Variants in NKAIN3 observed in about 807,000 individuals in gnomAD.
NKAIN3 encodes the protein sodium/potassium transporting ATPase interacting 3.
In NKAIN3, 25 loss-of-function variants were observed where a neutral mutation model predicts 30.2. The observed-to-expected ratio is 0.83, with a 90% CI of 0.60 to 1.16. NKAIN3 has a LOEUF of 1.16. NKAIN3 is among the 50% of genes most tolerant of loss of function. The probability of loss-of-function intolerance (pLI) is 0.00; values close to 1 mark genes in which losing one functional copy is unlikely to be tolerated. For synonymous variants in NKAIN3, 91 were observed against 89.6 expected (o/e 1.02, Z -0.09); for missense variants, 225 against 254.1 (o/e 0.89, Z 0.78).
chr8:62,366,670 T>C (rs372216219), intron 1 of NKAIN3, among the ~76,000 whole-genome samples: 39 of 152,338 alleles, frequency 2.6e-4, no homozygotes, highest in Middle Eastern at 6.8e-3. Context: ...ATTGATCTTT[T>C]CTATTGTTTC....
At chr8:62,899,324 G>T (rs1422260939) in intron 4 of NKAIN3, among the ~76,000 whole-genome samples, 4 of 152,118 alleles carry the variant, frequency 2.6e-5, no homozygotes, top group Admixed American at 2.6e-4. Context: ...AAATTTGGAA[G>T]CAACATAAAT....
chr8:62,686,834 G>A (rs1813813697), intron 3 of NKAIN3, among the ~76,000 whole-genome samples: 2 of 152,160 alleles, frequency 1.3e-5, no homozygotes, highest in South Asian at 4.1e-4. Flanking sequence ...AATATATTAA[G>A]TAAACAACCA....
intron 4 of NKAIN3, among the ~76,000 whole-genome samples, chr8:62,861,937 A>G (rs1820252344): frequency 6.6e-6 from 1 of 152,246 alleles, no homozygotes. Context: ...AGGATTCCTG[A>G]AAACACATAA....
intron 3 of NKAIN3, among the ~76,000 whole-genome samples, chr8:62,688,270 A>C (rs1813856767): frequency 6.6e-6 from 1 of 152,226 alleles, no homozygotes; most frequent in African/African-American, 2.4e-5. Flanking sequence ...CTTGGATCTA[A>C]ACAGCCAGAG....
chr8:62,765,344 G>A (rs1816801795), intron 4 of NKAIN3, among the ~76,000 whole-genome samples: 1 of 151,730 alleles, frequency 6.6e-6, no homozygotes, highest in African/African-American at 2.4e-5. Context: ...CAGAGCATGA[G>A]TGTGCAAATC....
intron 1 of NKAIN3, among the ~76,000 whole-genome samples, chr8:62,341,069 A>G (rs1815729200): frequency 6.6e-6 from 1 of 152,086 alleles, no homozygotes; most frequent in South Asian, 2.1e-4. Flanking sequence ...GGAAACACTC[A>G]GCTACAGCAA....
chr8:62,500,445 G>GA (rs1415370289), intron 1 of NKAIN3, among the ~76,000 whole-genome samples: 1 of 110,374 alleles, frequency 9.1e-6, no homozygotes, highest in Non-Finnish European at 1.8e-5. Context: ...AAGAAAGAAA[G>GA]AAAGAAAGAA....
intron 3 of NKAIN3, among the ~76,000 whole-genome samples, chr8:62,599,606 G>A (rs993717369): frequency 6.6e-6 from 1 of 151,942 alleles, no homozygotes; most frequent in Admixed American, 6.6e-5. Context: ...AAACCTTTGG[G>A]ATGTATTTAT....
At chr8:62,483,792 C>A in intron 1 of NKAIN3, 1 of 242,544 alleles carries the variant, frequency 4.1e-6, no homozygotes, top group South Asian at 5.5e-5. Context: ...CTCTACCAGC[C>A]TCCTGTTGGC....
chr8:62,961,999 G>A (rs1384004038), intron 6 of NKAIN3, among the ~76,000 whole-genome samples: 3 of 152,170 alleles, frequency 2.0e-5, no homozygotes, highest in African/African-American at 7.2e-5. Flanking sequence ...ACCCAAAAAT[G>A]TAGATTTTTG....
At chr8:62,387,190 A>T (rs1438470235) in intron 1 of NKAIN3, among the ~76,000 whole-genome samples, 1 of 152,084 alleles carries the variant, frequency 6.6e-6, no homozygotes, top group East Asian at 1.9e-4. Flanking sequence ...AAATCAGGGA[A>T]TCATCAACCA....
intron 1 of NKAIN3, among the ~76,000 whole-genome samples, chr8:62,460,479 TTAAG>T (rs941704619): frequency 3.3e-5 from 5 of 150,878 alleles, no homozygotes; most frequent in Non-Finnish European, 7.4e-5. Context: ...AGTCTAGAAA[TTAAG>T]TAAAGTCTTA....
rs938424999 is a variant in NKAIN3, at chr8:62,623,697, A to G, written c.273+33903A>G. Reference sequence around the variant, plus strand: ...ACAACTTCTCTGAATTTTTGTTTGTATAAGAAACGTTTTATTTCTCCTCCA... The same window carrying G: ...ACAACTTCTCTGAATTTTTGTTTGTGTAAGAAACGTTTTATTTCTCCTCCA... On this transcript the variant is annotated intron_variant, in intron 3 of 6. Coordinates refer to ENST00000623646, the MANE Select transcript of NKAIN3 (RefSeq NM_001304533.3). 2.0e-5 allele frequency among the ~76,000 whole-genome samples: 3 copies of G among 152,082 alleles called. 1 individual carries two copies. The highest frequency in any genetic ancestry group is 4.4e-5 in the Non-Finnish European group (3 of 68,002).
chr8:62,741,280 G>A (rs1815860572), intron 3 of NKAIN3, among the ~76,000 whole-genome samples: 2 of 151,806 alleles, frequency 1.3e-5, no homozygotes, highest in Admixed American at 6.6e-5. Flanking sequence ...CATATTGATT[G>A]TTTTGAGTTA....
At chr8:62,342,557 G>C (rs981097905) in intron 1 of NKAIN3, among the ~76,000 whole-genome samples, 1 of 152,022 alleles carries the variant, frequency 6.6e-6, no homozygotes, top group Non-Finnish European at 1.5e-5. Flanking sequence ...GTTACATACT[G>C]CTGGGCATCA....
At chr8:62,697,002 A>T (rs906874074) in intron 3 of NKAIN3, among the ~76,000 whole-genome samples, 3 of 152,198 alleles carry the variant, frequency 2.0e-5, no homozygotes, top group Non-Finnish European at 4.4e-5. Context: ...ACACTGTTAA[A>T]TTGCTTCCTT....
intron 4 of NKAIN3, among the ~76,000 whole-genome samples, chr8:62,800,176 C>A (rs914870208): frequency 1.8e-4 from 27 of 152,116 alleles, no homozygotes; most frequent in African/African-American, 5.8e-4. Flanking sequence ...CCAAACACTA[C>A]CCGTTCCCCA....
At chr8:62,509,968 G>A (rs1470828129) in intron 1 of NKAIN3, among the ~76,000 whole-genome samples, 4 of 152,104 alleles carry the variant, frequency 2.6e-5, no homozygotes, top group African/African-American at 9.7e-5. Flanking sequence ...TATTTTAAGT[G>A]ACCAAAAGGA....
At chr8:62,542,654 T>C (rs1367681786) in intron 1 of NKAIN3, among the ~76,000 whole-genome samples, 2 of 152,120 alleles carry the variant, frequency 1.3e-5, no homozygotes, top group Non-Finnish European at 2.9e-5. Context: ...TAATTTGTAA[T>C]TACTCACGCA....
Sources: gnomAD v4.1 joint callset for allele counts (sites outside exome capture counted in the v4.1 genomes callset) on GRCh38, gnomAD v4.1.1 for gene constraint, MANE v1.5 for transcripts, NCBI Gene and HGNC (gene_info 2026-07-23, HGNC 2026-07-21) for gene names.